Variants in GPR39 observed in about 807,000 individuals in gnomAD.
The protein encoded by GPR39 is zinc sensing receptor.
GPR39 carries 23 observed loss-of-function variants against 18.4 expected under a neutral mutation model. That is an observed-to-expected ratio of 1.25 (90% CI 0.90 to 1.77). The LOEUF is 1.77. Among genes scored for constraint, GPR39 ranks in the 40% most tolerant of loss-of-function variants. GPR39 has a pLI of 0.00. For synonymous variants in GPR39, 280 were observed against 257.9 expected (o/e 1.09, Z -0.82); for missense variants, 647 against 602.4 (o/e 1.07, Z -0.78).
At chr2:132,577,322 A>G (rs1172519758) in intron 1 of GPR39, among the ~76,000 whole-genome samples, 1 of 151,348 alleles carries the variant, frequency 6.6e-6, no homozygotes, top group Non-Finnish European at 1.5e-5. Context: ...GTGCCATTGC[A>G]CTCCAGCCTG....
At chr2:132,444,664 C>T (rs192710907) in intron 1 of GPR39, among the ~76,000 whole-genome samples, 3 of 152,132 alleles carry the variant, frequency 2.0e-5, no homozygotes, top group Non-Finnish European at 4.4e-5. Flanking sequence ...AGTGTTTGGC[C>T]GCTTCATTTA....
intron 1 of GPR39, among the ~76,000 whole-genome samples, chr2:132,547,071 G>A (rs753900330): frequency 1.3e-5 from 2 of 151,994 alleles, no homozygotes; most frequent in Non-Finnish European, 2.9e-5. Context: ...AAGCCGCACC[G>A]ACAGAGGGTC....
intron 1 of GPR39, among the ~76,000 whole-genome samples, chr2:132,499,492 A>C (rs12996162): frequency 0.45 from 68,918 of 151,476 alleles, 16,425 homozygotes; most frequent in Non-Finnish European, 0.51. Context: ...ATACCTCTAG[A>C]TTTGTGGTTT....
intron 1 of GPR39, among the ~76,000 whole-genome samples, chr2:132,472,900 C>T (rs564741913): frequency 1.6e-4 from 25 of 152,018 alleles, no homozygotes; most frequent in African/African-American, 3.9e-4. Context: ...AAGTAGAGGA[C>T]GTGGCCTTGA....
At chr2:132,515,356 T>C (rs986793902) in intron 1 of GPR39, among the ~76,000 whole-genome samples, 6 of 152,206 alleles carry the variant, frequency 3.9e-5, no homozygotes, top group Non-Finnish European at 8.8e-5. Flanking sequence ...TGGGACATTG[T>C]CTTTTTCACC....
intron 1 of GPR39, among the ~76,000 whole-genome samples, chr2:132,516,513 A>G (rs1222153390): frequency 2.0e-5 from 3 of 152,294 alleles, no homozygotes; most frequent in Middle Eastern, 3.4e-3. Context: ...CCTATTCTTA[A>G]TATCTCTCAG....
chr2:132,627,492 G>A (rs770031386), intron 1 of GPR39, among the ~76,000 whole-genome samples: 7 of 152,148 alleles, frequency 4.6e-5, no homozygotes, highest in Admixed American at 2.0e-4. Flanking sequence ...TCAATATGCC[G>A]AGTAATGATG....
At chr2:132,530,353 C>T (rs138995309) in intron 1 of GPR39, among the ~76,000 whole-genome samples, 6,959 of 152,126 alleles carry the variant, frequency 0.046, 220 homozygotes, top group African/African-American at 0.078. Context: ...TATGGGACTA[C>T]GTGAAAAGAC....
chr2:132,600,035 C>A (rs1681012362), intron 1 of GPR39, among the ~76,000 whole-genome samples: 1 of 152,204 alleles, frequency 6.6e-6, no homozygotes. Flanking sequence ...GGGGGCCCAT[C>A]CATGCTTGTC....
At chr2:132,567,236 C>T (rs188230839) in intron 1 of GPR39, among the ~76,000 whole-genome samples, 112 of 152,248 alleles carry the variant, frequency 7.4e-4, no homozygotes, top group African/African-American at 2.6e-3. Context: ...GCAGGAGAAT[C>T]GCTTGAACCC....
chr2:132,596,040 G>A (rs553993076), intron 1 of GPR39, among the ~76,000 whole-genome samples: 1 of 152,212 alleles, frequency 6.6e-6, no homozygotes, highest in East Asian at 1.9e-4. Context: ...CAGATCACCT[G>A]AGCCCCACTG....
chr2:132,642,093 G>A (rs1326461502), intron 1 of GPR39, among the ~76,000 whole-genome samples: 1 of 152,188 alleles, frequency 6.6e-6, no homozygotes, highest in African/African-American at 2.4e-5. Context: ...AATTAGCAGA[G>A]TGCTTAGCAC....
intron 1 of GPR39, among the ~76,000 whole-genome samples, chr2:132,583,947 A>T (rs928616399): frequency 6.6e-6 from 1 of 152,068 alleles, no homozygotes; most frequent in African/African-American, 2.4e-5. Flanking sequence ...CTTGCCTCAC[A>T]GGTAGCTTCT....
In GPR39 at chr2:132,416,822, T is replaced by G. The variant is rs1200009040; in HGVS notation, c.-221T>G. ...CCCCAGCCACATACACTCCCAAACC[T>G]CAACACCCAGGCGCCTCCTGGGCCT... On this transcript the variant is annotated 5_prime_UTR_variant, in exon 1 of 2. Transcript: ENST00000329321. The G allele has an allele frequency of 3.2e-6, 2 of 617,630 alleles. No homozygotes were observed. The highest frequency in any genetic ancestry group is 5.7e-6 in the Non-Finnish European group (2 of 353,904). 38.3% of individuals were successfully genotyped at this position (617,630 alleles called of 1,614,324 possible).
intron 1 of GPR39, among the ~76,000 whole-genome samples, chr2:132,466,062 G>A (rs1039679603): frequency 4.6e-5 from 7 of 152,094 alleles, no homozygotes; most frequent in African/African-American, 1.7e-4. Context: ...CAGCCTTGCA[G>A]GCTGTGTCTT....
At chr2:132,520,340 C>T (rs1259274597) in intron 1 of GPR39, among the ~76,000 whole-genome samples, 1 of 152,228 alleles carries the variant, frequency 6.6e-6, no homozygotes, top group African/African-American at 2.4e-5. Context: ...ATCTGCATAA[C>T]ACCTTGCCTT....
intron 1 of GPR39, among the ~76,000 whole-genome samples, chr2:132,495,626 C>G (rs558136403): frequency 2.0e-4 from 30 of 152,252 alleles, no homozygotes; most frequent in African/African-American, 6.0e-4. Context: ...CCTTCCTTGC[C>G]GAACTCATCA....
chr2:132,443,048 AG>A (rs1306977115), intron 1 of GPR39, among the ~76,000 whole-genome samples: 1 of 152,236 alleles, frequency 6.6e-6, no homozygotes, highest in Non-Finnish European at 1.5e-5. Flanking sequence ...TATTCAGTAT[AG>A]TTAATATTTT....
intron 1 of GPR39, among the ~76,000 whole-genome samples, chr2:132,564,814 T>TC (rs1558841459): frequency 1.6e-5 from 2 of 126,246 alleles, no homozygotes; most frequent in African/African-American, 6.0e-5. Context: ...TTTTTTCTTT[T>TC]TTTTTTTTTT....
Sources: gnomAD v4.1 joint callset for allele counts (sites outside exome capture counted in the v4.1 genomes callset) on GRCh38, gnomAD v4.1.1 for gene constraint, MANE v1.5 for transcripts, NCBI Gene and HGNC (gene_info 2026-07-23, HGNC 2026-07-21) for gene names.